CTTNBP2: variants seen among roughly 807,000 people sequenced by gnomAD.
The protein encoded by CTTNBP2 is cortactin-binding protein 2.
A neutral mutation model predicts 156.9 loss-of-function variants in CTTNBP2; 108 were observed. The ratio of observed to expected loss-of-function variants is 0.69; its 90% CI spans 0.59 to 0.81. The LOEUF (loss-of-function observed/expected upper bound fraction) is 0.81, where lower values mean the gene tolerates loss of function less well. Among genes scored for constraint, CTTNBP2 ranks in the 30% least tolerant of loss-of-function variants. The pLI, the probability that CTTNBP2 is intolerant of heterozygous loss-of-function variation, is 0.00. For synonymous variants in CTTNBP2, 767 were observed against 751.8 expected (o/e 1.02, Z -0.33); for missense variants, 1,924 against 2,035.4 (o/e 0.95, Z 1.05).
At chr7:117,799,710 G>C (rs886284379) in intron 3 of CTTNBP2, among the ~76,000 whole-genome samples, 2 of 151,924 alleles carry the variant, frequency 1.3e-5, no homozygotes, top group Admixed American at 6.6e-5. Context: ...ATTTGGAAAG[G>C]AATAAGTAAA....
At chr7:117,796,179 C>A (rs894821127) in intron 3 of CTTNBP2, among the ~76,000 whole-genome samples, 1 of 152,190 alleles carries the variant, frequency 6.6e-6, no homozygotes, top group African/African-American at 2.4e-5. Context: ...CAGTGTTGGA[C>A]TTTCCTTCAG....
intron 2 of CTTNBP2, among the ~76,000 whole-genome samples, chr7:117,848,065 C>T (rs1321870651): frequency 6.6e-6 from 1 of 152,036 alleles, no homozygotes; most frequent in African/African-American, 2.4e-5. Flanking sequence ...GATCCACCCA[C>T]CTCGGCCTCC....
At chr7:117,825,330 TTCTG>T (rs1801215874) in intron 2 of CTTNBP2, among the ~76,000 whole-genome samples, 1 of 152,198 alleles carries the variant, frequency 6.6e-6, no homozygotes, top group South Asian at 2.1e-4. Flanking sequence ...TGGTTGTTGC[TTCTG>T]TCTGAGTCAT....
intron 3 of CTTNBP2, among the ~76,000 whole-genome samples, chr7:117,809,188 T>TA (rs11299673): frequency 1.1e-4 from 17 of 150,322 alleles, no homozygotes; most frequent in Non-Finnish European, 1.6e-4. Context: ...TAAGTTGATT[T>TA]AAAAAAAAAA....
At position 117,822,631 on chromosome 7, in the gene CTTNBP2, T is replaced by C. The variant is rs138095972; in HGVS notation, c.190-11642A>G. Among the ~76,000 whole-genome samples the C allele has an allele frequency of 3.2e-4, 49 of 152,330 alleles. No individual in the cohort carries two copies. In the East Asian group the frequency reaches 9.1e-3, roughly 28 times the overall value. ...TTTTGGTTTTGTCTTGGACACATGA[T>C]ATATATATTTTTAAATCCACAGATA... On this transcript the variant is annotated intron_variant, in intron 2 of 22. Coordinates refer to ENST00000160373, the MANE Select transcript of CTTNBP2 (RefSeq NM_033427.3).
chr7:117,742,992 T>C (rs1417730048), intron 14 of CTTNBP2, among the ~76,000 whole-genome samples: 1 of 152,192 alleles, frequency 6.6e-6, no homozygotes, highest in African/African-American at 2.4e-5. Flanking sequence ...TTCCTGTGGC[T>C]TGTTGTTACT....
chr7:117,846,183 T>C (rs1333635230), intron 2 of CTTNBP2, among the ~76,000 whole-genome samples: 2 of 152,126 alleles, frequency 1.3e-5, no homozygotes, highest in Non-Finnish European at 2.9e-5. Flanking sequence ...TCCCTACTCA[T>C]AGCTAATGGA....
chr7:117,835,520 C>A (rs1001812717), intron 2 of CTTNBP2, among the ~76,000 whole-genome samples: 8 of 152,062 alleles, frequency 5.3e-5, no homozygotes, highest in Non-Finnish European at 1.0e-4. Context: ...CCAGCTGTTT[C>A]CCTCACTTCC....
chr7:117,774,275 G>T (rs1296914616), intron 8 of CTTNBP2, among the ~76,000 whole-genome samples: 2 of 152,078 alleles, frequency 1.3e-5, no homozygotes, highest in African/African-American at 2.4e-5. Flanking sequence ...TTGGGAATTT[G>T]ATCTTCAGGA....
At chr7:117,738,676 G>C (rs1795835566) in intron 14 of CTTNBP2, among the ~76,000 whole-genome samples, 1 of 152,210 alleles carries the variant, frequency 6.6e-6, no homozygotes, top group African/African-American at 2.4e-5. Flanking sequence ...TGTACTTGGG[G>C]AGGAGGTGGT....
At chr7:117,735,175 A>G (rs1795616680) in intron 15 of CTTNBP2, 75 bp from the exon 16 acceptor site, 2 of 1,586,802 alleles carry the variant, frequency 1.3e-6, no homozygotes, top group Non-Finnish European at 1.7e-6. Context: ...AAAATAACGT[A>G]AAGAACATGA....
chr7:117,806,056 GA>G (rs1799922742), intron 3 of CTTNBP2, among the ~76,000 whole-genome samples: 1 of 152,122 alleles, frequency 6.6e-6, no homozygotes, highest in Non-Finnish European at 1.5e-5. Context: ...TGTTATTGTC[GA>G]ATTTATATCT....
chr7:117,783,181 G>C (rs561709833), intron 5 of CTTNBP2, among the ~76,000 whole-genome samples: 1 of 123,124 alleles, frequency 8.1e-6, no homozygotes, highest in Non-Finnish European at 1.7e-5. Flanking sequence ...ACTAAGATGC[G>C]TGTGTGTGTG....
rs34200018 is a variant in CTTNBP2 at position 117,782,539 on chromosome 7, A to C, written c.2372+323T>G. On this transcript the variant is annotated intron_variant, in intron 6 of 22. Coordinates refer to ENST00000160373, the MANE Select transcript of CTTNBP2 (RefSeq NM_033427.3). ...TTTTAGGGGGTTGGAATGGTGTAAAACAGTGAAAAACAAACTTCTCAACAG... is the reference window on the plus strand; with the variant it reads ...TTTTAGGGGGTTGGAATGGTGTAAACCAGTGAAAAACAAACTTCTCAACAG... Among the ~76,000 whole-genome samples the C allele has an allele frequency of 3.1e-3, 469 of 152,362 alleles. 3 individuals are homozygous for C. The highest frequency in any genetic ancestry group is 0.011 in the African/African-American group (448 of 41,576).
chr7:117,745,989 A>G, intron 13 of CTTNBP2, 24 bp downstream of exon 13: 7 of 1,611,512 alleles, frequency 4.3e-6, no homozygotes, highest in Non-Finnish European at 5.9e-6. Flanking sequence ...AAAGAAAAGC[A>G]GCTGATATAC....
intron 2 of CTTNBP2, among the ~76,000 whole-genome samples, chr7:117,830,343 C>T (rs900321960): frequency 6.6e-6 from 1 of 152,138 alleles, no homozygotes; most frequent in Non-Finnish European, 1.5e-5. Flanking sequence ...CAAAGTCATA[C>T]TACACGGCCG....
At position 117,864,365 on chromosome 7, in the gene CTTNBP2, C is replaced by T. The variant is rs577388927; in HGVS notation, c.82-3049G>A. ...TCTCTCTTCCCTCTATGACTCCACCCCCACTTCTCCACTACTAGTCATAGT... is the reference window on the plus strand; with the variant it reads ...TCTCTCTTCCCTCTATGACTCCACCTCCACTTCTCCACTACTAGTCATAGT... On this transcript the variant is annotated intron_variant, in intron 1 of 22. Transcript: ENST00000160373. 7.2e-5 allele frequency among the ~76,000 whole-genome samples: 11 copies of T among 152,130 alleles called. No homozygotes were observed. In the South Asian group the frequency reaches 2.1e-3, roughly 29 times the overall value.
chr7:117,821,792 G>A (rs1280740664), intron 2 of CTTNBP2, among the ~76,000 whole-genome samples: 2 of 151,874 alleles, frequency 1.3e-5, no homozygotes, highest in Non-Finnish European at 1.5e-5. Flanking sequence ...GGGTTTCACT[G>A]TGTTAGCCAG....
chr7:117,844,456 A>G (rs1208850691), intron 2 of CTTNBP2, among the ~76,000 whole-genome samples: 1 of 152,212 alleles, frequency 6.6e-6, no homozygotes, highest in African/African-American at 2.4e-5. Context: ...AGAAAAGGAG[A>G]AATCAAGTCC....
Sources: allele counts gnomAD v4.1 joint callset (sites outside exome capture counted in the v4.1 genomes callset), GRCh38; gene constraint gnomAD v4.1.1; transcripts MANE v1.5; gene names NCBI Gene and HGNC (gene_info 2026-07-23, HGNC 2026-07-21).